Variants in RAB44 observed in about 807,000 individuals in gnomAD.
The protein encoded by RAB44 is ras-related protein Rab-44.
A neutral mutation model predicts 93.3 loss-of-function variants in RAB44; 67 were observed. The observed-to-expected ratio is 0.72, with a 90% CI of 0.59 to 0.88. The LOEUF (loss-of-function observed/expected upper bound fraction) is 0.88. Ranked by LOEUF, RAB44 falls within the 40% of genes least tolerant of loss-of-function variation. The probability of loss-of-function intolerance (pLI) is 0.00; values close to 1 mark genes in which losing one functional copy is unlikely to be tolerated. For synonymous variants in RAB44, 427 were observed against 520.3 expected (o/e 0.82, Z 2.44); for missense variants, 1,064 against 1,261.7 (o/e 0.84, Z 2.37).
At chr6:36,710,232 C>T (rs1417876080) in intron 2 of RAB44, among the ~76,000 whole-genome samples, 2 of 152,164 alleles carry the variant, frequency 1.3e-5, no homozygotes, top group African/African-American at 4.8e-5. Flanking sequence ...CCTGGCTATC[C>T]CTAGTCTACT....
At chr6:36,723,346 CAA>C (rs576105281) in intron 9 of RAB44, among the ~76,000 whole-genome samples, 182 of 152,254 alleles carry the variant, frequency 1.2e-3, no homozygotes, top group Non-Finnish European at 2.1e-3. Flanking sequence ...GTTAATATGT[CAA>C]GATCTTAGAA....
rs939629037 is a variant in RAB44, at chr6:36,725,745, G to C, written c.2600-117G>C. The stretch of plus-strand genomic sequence containing the variant: ...TGCAGAGCCGAGGGGAAGCCCGGCA[G>C]CCAAGGGCTCCATCGCACCGCAGCT... On this transcript the variant is annotated intron_variant, in intron 9 of 13. Coordinates refer to ENST00000612677, the MANE Select transcript of RAB44 (RefSeq NM_001257357.2). The C allele has an allele frequency of 2.1e-5, 15 of 712,328 alleles. No homozygotes were observed. In the South Asian group the frequency reaches 2.2e-4, roughly 10 times the overall value. The allele number at this position is 712,328 out of a possible 1,614,324, so 44.1% of individuals were successfully genotyped here.
At chr6:36,713,679 C>T (rs1052566222) in intron 2 of RAB44, 149 bp from the exon 3 acceptor site, 2 of 626,828 alleles carry the variant, frequency 3.2e-6, no homozygotes, top group African/African-American at 3.6e-5. Context: ...TTGGGAATGT[C>T]AAGCTTAGGC....
intron 1 of RAB44, among the ~76,000 whole-genome samples, chr6:36,701,314 G>A (rs996470152): frequency 1.3e-5 from 2 of 152,112 alleles, no homozygotes; most frequent in East Asian, 1.9e-4. Flanking sequence ...TCATCATGTT[G>A]CCCAGGCTGG....
intron 2 of RAB44, among the ~76,000 whole-genome samples, chr6:36,711,729 T>G (rs1762791780): frequency 6.6e-6 from 1 of 152,024 alleles, no homozygotes; most frequent in Admixed American, 6.5e-5. Context: ...ACAAAAGTAT[T>G]TCACACTGAC....
chr6:36,698,973 T>G (rs2395658), intron 1 of RAB44, among the ~76,000 whole-genome samples: 59,486 of 151,540 alleles, frequency 0.39, 11,617 homozygotes, highest in South Asian at 0.43. Flanking sequence ...TGTTTTTAGG[T>G]TGTGCTGTCA....
At chr6:36,728,273 T>G (rs182862135) in intron 11 of RAB44, among the ~76,000 whole-genome samples, 1 of 152,328 alleles carries the variant, frequency 6.6e-6, no homozygotes. Flanking sequence ...TCTCTGAACT[T>G]CAATTTCTGG....
At chr6:36,705,086 A>T (rs1000098835) in intron 2 of RAB44, among the ~76,000 whole-genome samples, 5 of 141,956 alleles carry the variant, frequency 3.5e-5, no homozygotes, top group Non-Finnish European at 7.5e-5. Flanking sequence ...ACACCACTAC[A>T]CTCCAGCCTG....
intron 4 of RAB44, among the ~76,000 whole-genome samples, chr6:36,716,556 A>G (rs187622819): frequency 1.3e-3 from 201 of 151,576 alleles, no homozygotes; most frequent in Non-Finnish European, 2.7e-3. Flanking sequence ...TGTTAGAACC[A>G]GTGAGGGAAT....
At position 36,715,632 on chromosome 6, in the gene RAB44, G is replaced by C; in HGVS notation, c.473G>C (p.Gly158Ala). Residue 158 changes from glycine to alanine, a missense_variant, in exon 4 of 14, where the codon GGG (glycine) becomes GCG (alanine). Coordinates refer to ENST00000612677, the MANE Select transcript of RAB44 (RefSeq NM_001257357.2). ...TTCCTTGCCTTCATGGAGCAGCTGG[G>C]GACTGGACACTTACTTCCCAAGTAA... ...EAFLAFMEQL[G>A]TGHLLPKQME... is the part of the protein sequence containing the mutation. 1 of 1,536,108 alleles carries C rather than the reference G, an allele frequency of 6.5e-7. No homozygotes were observed.
Position 36,730,763 on chromosome 6 carries a change from G to GGCCCCCCCCCC in RAB44, c.2975+14_2975+15insGCCCCCCCCCC. 1 of 1,100,670 alleles carries GGCCCCCCCCCC rather than the reference G, an allele frequency of 9.1e-7. No individual in the cohort carries two copies. Among genetic ancestry groups the GGCCCCCCCCCC allele is most frequent in the Non-Finnish European group, 1.1e-6 (1 of 907,656 alleles). 68.2% of individuals were successfully genotyped at this position (1,100,670 alleles called of 1,614,324 possible). On this transcript the variant is annotated intron_variant, in intron 13 of 13. Transcript: ENST00000612677. ...AAACCTGGCCAGGTAAGTGCTGCCC[G>GGCCCCCCCCCC]CCCCCCGCCGCCCCCACCCCCCCCC...
rs1206348395 is a variant in RAB44, at chr6:36,731,357, T to C, written c.2975+608T>C. Among the ~76,000 whole-genome samples the C allele has an allele frequency of 6.6e-6, 1 of 152,226 alleles. No homozygotes were observed. The highest frequency in any genetic ancestry group is 1.5e-5 in the Non-Finnish European group (1 of 68,048). On this transcript the variant is annotated intron_variant, in intron 13 of 13. Coordinates refer to ENST00000612677, the MANE Select transcript of RAB44 (RefSeq NM_001257357.2). This position sits in a 1 kb window ranked among gnomAD's most constrained non-coding sequence, Gnocchi z 4.0. ...ATATATGCATTTATCTGTTTTCTTG[T>C]TGTCCAGGAAGGCAGGGCCATGTCT...
chr6:36,713,682 G>T, intron 2 of RAB44, 146 bp from the exon 3 acceptor site: 1 of 636,270 alleles, frequency 1.6e-6, no homozygotes, highest in Non-Finnish European at 2.8e-6. Context: ...GGAATGTCAA[G>T]CTTAGGCCCT....
chr6:36,704,324 G>C lies in RAB44; in HGVS notation c.89G>C (p.Gly30Ala). ...ACAAGAGAGCCAGCTGATGGTGAAGGCGCTGCAGTGGCCCCAGAGCCAGAG... is the reference window on the plus strand; with the variant it reads ...ACAAGAGAGCCAGCTGATGGTGAAGCCGCTGCAGTGGCCCCAGAGCCAGAG... Reference protein sequence around the residue: ...RQTREPADGEGAAVAPEPESW... With the variant: ...RQTREPADGEAAAVAPEPESW... The change falls in exon 2 of 14, where the codon GGC becomes GCC. Residue 30 changes from glycine to alanine, a missense_variant. Physicochemically the swap from Gly to Ala is moderately conservative, Grantham distance 60. Transcript: ENST00000612677. The C allele has an allele frequency of 7.8e-6, 12 of 1,536,134 alleles. No homozygotes were observed. Among genetic ancestry groups the C allele is most frequent in the Non-Finnish European group, 1.0e-5 (12 of 1,146,914 alleles).
At chr6:36,719,071 C>T (rs1333538709) in intron 7 of RAB44, among the ~76,000 whole-genome samples, 2 of 152,212 alleles carry the variant, frequency 1.3e-5, no homozygotes, top group East Asian at 3.8e-4. Flanking sequence ...AGGCGCCCAT[C>T]ACTGCGCCCA....
At position 36,710,592 on chromosome 6, in the gene RAB44, G is replaced by A. The variant is rs371168220; in HGVS notation, c.208-3236G>A. 6.7e-4 allele frequency among the ~76,000 whole-genome samples: 71 copies of A among 106,290 alleles called. No homozygotes were observed. The South Asian group carries it at 0.01, about 16-fold the overall frequency. 69.7% of individuals were successfully genotyped at this position (106,290 alleles called of 152,430 possible). On this transcript the variant is annotated intron_variant, in intron 2 of 13. Coordinates refer to ENST00000612677, the MANE Select transcript of RAB44 (RefSeq NM_001257357.2). Reference sequence around the variant, plus strand: ...AGATGGAGTCTCACTCTGTCGTCCAGGCTGGAGTGCAGTGGCATGATCTTG... The same window carrying A: ...AGATGGAGTCTCACTCTGTCGTCCAAGCTGGAGTGCAGTGGCATGATCTTG...
intron 2 of RAB44, among the ~76,000 whole-genome samples, chr6:36,707,181 G>T (rs562708940): frequency 4.6e-5 from 7 of 152,066 alleles, no homozygotes; most frequent in Non-Finnish European, 8.8e-5. Context: ...TTAGCCAGGC[G>T]TGGTGGCTAT....
chr6:36,713,381 A>G (rs1762833569), intron 2 of RAB44, among the ~76,000 whole-genome samples: 1 of 152,050 alleles, frequency 6.6e-6, no homozygotes, highest in Non-Finnish European at 1.5e-5. Flanking sequence ...TTTTTAGTAG[A>G]GACGGGGTTT....
intron 8 of RAB44, among the ~76,000 whole-genome samples, chr6:36,720,818 C>T (rs1763055471): frequency 6.6e-6 from 1 of 152,232 alleles, no homozygotes; most frequent in Non-Finnish European, 1.5e-5. Flanking sequence ...CACATACACA[C>T]ACACATACAC....
Sources: allele counts gnomAD v4.1 joint callset (sites outside exome capture counted in the v4.1 genomes callset), GRCh38; gene constraint gnomAD v4.1.1; non-coding constraint Gnocchi (gnomAD v3.1); transcripts MANE v1.5; gene names NCBI Gene and HGNC (gene_info 2026-07-23, HGNC 2026-07-21).